Variants in BRINP1 observed in about 807,000 individuals in gnomAD.
BRINP1 encodes the protein BMP/retinoic acid inducible neural specific 1.
In BRINP1, 17 loss-of-function variants were observed where a neutral mutation model predicts 72.9. That is an observed-to-expected ratio of 0.23 (90% CI 0.16 to 0.35). The LOEUF (loss-of-function observed/expected upper bound fraction) is 0.35. BRINP1 is among the 10% of genes least tolerant of loss of function. BRINP1 has a pLI of 1.00. For missense variants in BRINP1, 850 were observed against 1,001.6 expected (o/e 0.85, Z 2.04); for synonymous variants, 418 against 378.5 (o/e 1.10, Z -1.21).
At chr9:119,273,857 A>G (rs487240) in intron 2 of BRINP1, among the ~76,000 whole-genome samples, 60,620 of 152,052 alleles carry the variant, frequency 0.4, 14,458 homozygotes, top group Non-Finnish European at 0.52. Flanking sequence ...GTCCACGTTC[A>G]CCCAGCTAGA....
chr9:119,282,821 T>C (rs1165159581), intron 2 of BRINP1: 1 of 984,982 alleles, frequency 1.0e-6, no homozygotes, highest in East Asian at 1.1e-4. Context: ...AAGGGGAGAG[T>C]AATAGCTGGT....
At position 119,368,687 on chromosome 9, in the gene BRINP1, C is replaced by G. The variant is rs868431010; in HGVS notation, c.-51+369G>C. Among the ~76,000 whole-genome samples the G allele has an allele frequency of 3.2e-4, 48 of 152,224 alleles. No homozygotes were observed. Among genetic ancestry groups the G allele is most frequent in the Middle Eastern group, 3.4e-3 (1 of 294 alleles). On this transcript the variant is annotated intron_variant, in intron 1 of 7. Coordinates refer to ENST00000265922, the MANE Select transcript of BRINP1 (RefSeq NM_014618.3). This position sits in a 1 kb window ranked among gnomAD's most constrained non-coding sequence, Gnocchi z 4.7. ...CGTAAGTAGGTTATAGGACCTCTCTCTCTTCACCCCTCCCTTACACACACG... is the reference window on the plus strand; with the variant it reads ...CGTAAGTAGGTTATAGGACCTCTCTGTCTTCACCCCTCCCTTACACACACG...
intron 2 of BRINP1, among the ~76,000 whole-genome samples, chr9:119,312,772 A>G (rs1831081307): frequency 6.6e-6 from 1 of 152,206 alleles, no homozygotes; most frequent in South Asian, 2.1e-4. Flanking sequence ...TTCTAACTAT[A>G]TGACATTAGA....
chr9:119,330,788 G>A (rs772568503), intron 1 of BRINP1, among the ~76,000 whole-genome samples: 11 of 152,010 alleles, frequency 7.2e-5, no homozygotes, highest in Non-Finnish European at 1.5e-4. Flanking sequence ...AACACTTTGG[G>A]AGGCTGAGGC....
intron 1 of BRINP1, among the ~76,000 whole-genome samples, chr9:119,339,980 C>T (rs945477318): frequency 3.9e-5 from 6 of 152,082 alleles, no homozygotes; most frequent in Admixed American, 3.3e-4. Context: ...CACACTCATT[C>T]CCTCTCCCTG....
In BRINP1 at chr9:119,168,077, G is replaced by T; in HGVS notation, c.1293C>A (p.Gly431=). ...TGCACATGGCGCAGCTGTTGTTCCC[G>T]CCTATCACGCAGGGGATGGGGCGCT... ...LCQRPIPCVI[G]GNNSCAMCSL... The change falls in exon 8 of 8, where the codon GGC becomes GGA. Residue 431 remains glycine, a synonymous_variant. Transcript: ENST00000265922. The T allele has an allele frequency of 6.2e-7, 1 of 1,610,154 alleles. No individual in the cohort carries two copies. The highest frequency in any genetic ancestry group is 8.5e-7 in the Non-Finnish European group (1 of 1,177,566).
At chr9:119,260,246 T>A (rs1308028247) in intron 2 of BRINP1, among the ~76,000 whole-genome samples, 1 of 152,238 alleles carries the variant, frequency 6.6e-6, no homozygotes, top group African/African-American at 2.4e-5. Context: ...TGTGTCCCAC[T>A]GTCCATTTTG....
intron 1 of BRINP1, among the ~76,000 whole-genome samples, chr9:119,366,516 G>A (rs868355770): frequency 0.044 from 5,060 of 115,918 alleles, 240 homozygotes; most frequent in Middle Eastern, 0.086. Flanking sequence ...GTGTGTGTGT[G>A]TGTGTGTGTG....
chr9:119,245,624 G>A (rs1830306865), intron 3 of BRINP1, among the ~76,000 whole-genome samples: 2 of 151,960 alleles, frequency 1.3e-5, no homozygotes, highest in Admixed American at 1.3e-4. Flanking sequence ...TTATTTGTTG[G>A]CCCTCCCATC....
chr9:119,367,221 G>GATATATATATATAT (rs6151155), intron 1 of BRINP1, among the ~76,000 whole-genome samples: 1,137 of 99,690 alleles, frequency 0.011, 54 homozygotes, highest in African/African-American at 0.032. Flanking sequence ...GTGTGTGATT[G>GATATATATATATAT]ATATATATAT....
chr9:119,251,245 G>A (rs1830384154), intron 2 of BRINP1, among the ~76,000 whole-genome samples: 1 of 152,106 alleles, frequency 6.6e-6, no homozygotes, highest in Admixed American at 6.5e-5. Context: ...TGATGTCCAC[G>A]GAAGGGGAAT....
chr9:119,358,086 G>T (rs1039652915), intron 1 of BRINP1, among the ~76,000 whole-genome samples: 2 of 152,144 alleles, frequency 1.3e-5, no homozygotes, highest in Non-Finnish European at 2.9e-5. Context: ...GGGGAGAATA[G>T]TTACAATTTC....
intron 2 of BRINP1, among the ~76,000 whole-genome samples, chr9:119,271,426 A>G (rs1830603994): frequency 6.6e-6 from 1 of 152,112 alleles, no homozygotes; most frequent in Non-Finnish European, 1.5e-5. Context: ...GTATTAGATT[A>G]TATTATGCAA....
intron 1 of BRINP1, among the ~76,000 whole-genome samples, chr9:119,315,191 T>C (rs908494885): frequency 2.0e-5 from 3 of 152,320 alleles, no homozygotes; most frequent in Admixed American, 6.5e-5. Flanking sequence ...TATTGAGATT[T>C]GCAAATATTA....
At chr9:119,306,305 A>AC (rs1237719415) in intron 2 of BRINP1, among the ~76,000 whole-genome samples, 1 of 152,200 alleles carries the variant, frequency 6.6e-6, no homozygotes, top group Non-Finnish European at 1.5e-5. Flanking sequence ...AATAATCAAC[A>AC]CTAAAGATTA....
chr9:119,213,110 C>G (rs750327680), intron 6 of BRINP1, among the ~76,000 whole-genome samples: 6 of 152,200 alleles, frequency 3.9e-5, no homozygotes, highest in Admixed American at 6.5e-5. Context: ...CTTCTCATAT[C>G]TGCACCATAG....
At chr9:119,325,707 T>C (rs1020749383) in intron 1 of BRINP1, among the ~76,000 whole-genome samples, 2 of 152,166 alleles carry the variant, frequency 1.3e-5, no homozygotes, top group African/African-American at 4.8e-5. Flanking sequence ...GTTGCCAGAG[T>C]GATCTATCAA....
intron 7 of BRINP1, among the ~76,000 whole-genome samples, chr9:119,192,507 A>G (rs1353689322): frequency 6.6e-6 from 1 of 152,084 alleles, no homozygotes; most frequent in East Asian, 1.9e-4. Context: ...ACTCAACAGC[A>G]CTAATCATCA....
At chr9:119,210,242 C>A (rs992439001) in intron 6 of BRINP1, among the ~76,000 whole-genome samples, 1 of 152,150 alleles carries the variant, frequency 6.6e-6, no homozygotes, top group Non-Finnish European at 1.5e-5. Flanking sequence ...AGGGGTTGAT[C>A]ATTTTGTAGG....
Sources: allele counts gnomAD v4.1 joint callset (sites outside exome capture counted in the v4.1 genomes callset), GRCh38; gene constraint gnomAD v4.1.1; non-coding constraint Gnocchi (gnomAD v3.1); transcripts MANE v1.5; gene names NCBI Gene and HGNC (gene_info 2026-07-23, HGNC 2026-07-21).